The following CYTH3 variants were observed in gnomAD, a reference collection of about 807,000 sequenced individuals.
CYTH3 encodes the protein cytohesin 3, also known as cytohesin-3.
In CYTH3, 23 loss-of-function variants were observed where a neutral mutation model predicts 55.1. The ratio of observed to expected loss-of-function variants is 0.42; its 90% CI spans 0.30 to 0.59. The LOEUF (loss-of-function observed/expected upper bound fraction) is 0.59. Among genes scored for constraint, CYTH3 ranks in the 20% least tolerant of loss-of-function variants. The pLI is 0.20. For synonymous variants in CYTH3, 249 were observed against 194.9 expected (o/e 1.28, Z -2.31); for missense variants, 413 against 524.8 (o/e 0.79, Z 2.08).
At chr7:6,192,859 C>T (rs921165551) in intron 1 of CYTH3, among the ~76,000 whole-genome samples, 2 of 151,784 alleles carry the variant, frequency 1.3e-5, no homozygotes, top group African/African-American at 4.8e-5. Context: ...AAAGACATAA[C>T]AACTCCGTGC....
chr7:6,244,981 T>A (rs947641170), intron 1 of CYTH3, among the ~76,000 whole-genome samples: 14 of 120,454 alleles, frequency 1.2e-4, no homozygotes, highest in African/African-American at 4.0e-4. Flanking sequence ...TTTTTTTTTT[T>A]TTTTTTTTTT....
At chr7:6,224,867 A>G (rs1178518237) in intron 1 of CYTH3, among the ~76,000 whole-genome samples, 1 of 152,248 alleles carries the variant, frequency 6.6e-6, no homozygotes, top group Non-Finnish European at 1.5e-5. Flanking sequence ...TGGGATATTC[A>G]GATAAGAATA....
intron 5 of CYTH3, among the ~76,000 whole-genome samples, chr7:6,174,626 C>G (rs1783293801): frequency 2.0e-5 from 3 of 146,738 alleles, no homozygotes; most frequent in Admixed American, 1.4e-4. Flanking sequence ...TGGCCCACTG[C>G]AACCTCCACC....
At chr7:6,232,419 C>G (rs1434985926) in intron 1 of CYTH3, among the ~76,000 whole-genome samples, 1 of 152,160 alleles carries the variant, frequency 6.6e-6, no homozygotes, top group African/African-American at 2.4e-5. Context: ...TTCCCCTGCT[C>G]CTTCTAAGGC....
chr7:6,209,278 T>C (rs965821366), intron 1 of CYTH3, among the ~76,000 whole-genome samples: 1 of 152,212 alleles, frequency 6.6e-6, no homozygotes, highest in African/African-American at 2.4e-5. Flanking sequence ...TTACTAGAAA[T>C]TTCAAATTAA....
chr7:6,252,736 T>C (rs1277287442), intron 1 of CYTH3, among the ~76,000 whole-genome samples: 1 of 152,180 alleles, frequency 6.6e-6, no homozygotes, highest in Non-Finnish European at 1.5e-5. Flanking sequence ...TCCTGAGAGA[T>C]TTAAGGTTTA....
intron 1 of CYTH3, among the ~76,000 whole-genome samples, chr7:6,223,130 G>T (rs1364308196): frequency 2.6e-5 from 4 of 152,194 alleles, no homozygotes; most frequent in Non-Finnish European, 5.9e-5. Context: ...CGTCTGGGAG[G>T]CGAGGAGCGC....
In CYTH3 at chr7:6,170,469, G is replaced by C. The variant is rs1783145273; in HGVS notation, c.823+66C>G. The C allele has an allele frequency of 6.9e-7, 1 of 1,455,646 alleles. No individual in the cohort carries two copies. The highest frequency in any genetic ancestry group is 1.4e-5 in the African/African-American group (1 of 71,008). 90.2% of individuals were successfully genotyped at this position (1,455,646 alleles called of 1,614,324 possible). On this transcript the variant is annotated intron_variant, in intron 9 of 12. Coordinates refer to ENST00000350796, the MANE Select transcript of CYTH3 (RefSeq NM_004227.4). The surrounding 1 kb of genome is among the most constrained non-coding windows in gnomAD (Gnocchi z 7.8). Reference sequence around the variant, plus strand: ...GGCATTCCTACGATGAGCCTGGGAGGAACCCGAGGGGCTGCTGCCATGGGC... The same window carrying C: ...GGCATTCCTACGATGAGCCTGGGAGCAACCCGAGGGGCTGCTGCCATGGGC...
chr7:6,196,159 A>G (rs1783921060), intron 1 of CYTH3, among the ~76,000 whole-genome samples: 1 of 152,184 alleles, frequency 6.6e-6, no homozygotes. Context: ...TCTATGCTCT[A>G]TTCTCCTTGG....
At chr7:6,211,976 A>T (rs1784328129) in intron 1 of CYTH3, among the ~76,000 whole-genome samples, 1 of 152,166 alleles carries the variant, frequency 6.6e-6, no homozygotes, top group Non-Finnish European at 1.5e-5. Flanking sequence ...ACAGAGTGAG[A>T]CGCTGTCTCA....
At chr7:6,197,846 C>G (rs1783970066) in intron 1 of CYTH3, among the ~76,000 whole-genome samples, 1 of 152,264 alleles carries the variant, frequency 6.6e-6, no homozygotes. Context: ...AATCCCAGTA[C>G]TTTGGGAAGC....
chr7:6,271,131 C>A (rs546133616), intron 1 of CYTH3, among the ~76,000 whole-genome samples: 25 of 152,150 alleles, frequency 1.6e-4, no homozygotes, highest in African/African-American at 5.8e-4. Flanking sequence ...GGGTTCGCAA[C>A]TGGGCGCCTT....
intron 6 of CYTH3, chr7:6,173,224 C>G (rs1466975876): frequency 4.1e-6 from 1 of 243,076 alleles, no homozygotes; most frequent in Non-Finnish European, 7.1e-6. Context: ...GGGAGTGTGT[C>G]CCAGACACCA....
chr7:6,228,826 T>C (rs980503413), intron 1 of CYTH3, among the ~76,000 whole-genome samples: 5 of 152,230 alleles, frequency 3.3e-5, no homozygotes, highest in African/African-American at 1.2e-4. Context: ...CACTTAATCT[T>C]ATCTTCTTTT....
At chr7:6,251,554 G>A (rs138551045) in intron 1 of CYTH3, among the ~76,000 whole-genome samples, 9 of 152,068 alleles carry the variant, frequency 5.9e-5, no homozygotes, top group Non-Finnish European at 1.2e-4. Context: ...GTGAAGGACC[G>A]CAAAATTCTC....
intron 5 of CYTH3, among the ~76,000 whole-genome samples, chr7:6,174,489 C>T (rs1783281107): frequency 7.2e-6 from 1 of 138,788 alleles, no homozygotes; most frequent in Non-Finnish European, 1.5e-5. Flanking sequence ...TGTTATGTGT[C>T]TTTTTTATTA....
chr7:6,201,309 C>T (rs1784054474), intron 1 of CYTH3, among the ~76,000 whole-genome samples: 1 of 152,210 alleles, frequency 6.6e-6, no homozygotes, highest in South Asian at 2.1e-4. Flanking sequence ...CAGGATGCTG[C>T]ACTGAGCTGC....
At chr7:6,259,805 AT>A (rs1158320229) in intron 1 of CYTH3, among the ~76,000 whole-genome samples, 424 of 25,656 alleles carry the variant, frequency 0.017, 74 homozygotes, top group African/African-American at 0.13. Flanking sequence ...ATATATATAT[AT>A]ATATATAATA....
At chr7:6,223,185 C>T (rs1209251125) in intron 1 of CYTH3, among the ~76,000 whole-genome samples, 1 of 149,852 alleles carries the variant, frequency 6.7e-6, no homozygotes, top group Non-Finnish European at 1.5e-5. Context: ...CGCCTCTGCC[C>T]GGCCGCCCCA....
Sources: allele counts gnomAD v4.1 joint callset (sites outside exome capture counted in the v4.1 genomes callset), GRCh38; gene constraint gnomAD v4.1.1; non-coding constraint Gnocchi (gnomAD v3.1); transcripts MANE v1.5; gene names NCBI Gene and HGNC (gene_info 2026-07-23, HGNC 2026-07-21).